Variants in CGNL1 observed in about 807,000 individuals in gnomAD.
CGNL1 encodes cingulin-like protein 1.
In CGNL1, 132 loss-of-function variants were observed where a neutral mutation model predicts 141.2. The observed-to-expected ratio is 0.93, with a 90% CI of 0.81 to 1.08. The LOEUF is 1.08. CGNL1 is among the 50% of genes least tolerant of loss of function. The probability of loss-of-function intolerance (pLI) is 0.00; values close to 1 mark genes in which losing one functional copy is unlikely to be tolerated. For missense variants in CGNL1, 1,870 were observed against 1,588.6 expected (o/e 1.18, Z -3.01); for synonymous variants, 690 against 622.1 (o/e 1.11, Z -1.63).
intron 8 of CGNL1, among the ~76,000 whole-genome samples, chr15:57,474,752 A>G (rs192730495): frequency 1.5e-3 from 234 of 152,352 alleles, no homozygotes; most frequent in Admixed American, 7.1e-3. Context: ...GATTATTTCA[A>G]GAGGGAGATA....
At chr15:57,547,207 C>A in intron 18 of CGNL1, 148 bp from the exon 19 acceptor site, 1 of 858,498 alleles carries the variant, frequency 1.2e-6, no homozygotes, top group Non-Finnish European at 1.8e-6. Flanking sequence ...AAGGGGCCAT[C>A]AGGTGGAGAC....
chr15:57,401,981 A>T (rs1229140438), intron 1 of CGNL1: 2 of 152,156 alleles, frequency 1.3e-5, no homozygotes, highest in Non-Finnish European at 2.9e-5. Flanking sequence ...GTCCTTCTAC[A>T]TACTGCTTGG....
At chr15:57,494,767 G>A (rs560261199) in intron 8 of CGNL1, among the ~76,000 whole-genome samples, 33 of 152,314 alleles carry the variant, frequency 2.2e-4, no homozygotes, top group Admixed American at 1.0e-3. Context: ...GTGTTCAGCT[G>A]GCATCTCATC....
intron 8 of CGNL1, among the ~76,000 whole-genome samples, chr15:57,471,145 T>A (rs2063576715): frequency 6.6e-6 from 1 of 152,212 alleles, no homozygotes; most frequent in Admixed American, 6.5e-5. Context: ...CAGTTACAGT[T>A]CAGATTTCCA....
At chr15:57,529,595 CACACACACA>C (rs2031838918) in intron 13 of CGNL1, among the ~76,000 whole-genome samples, 1 of 150,884 alleles carries the variant, frequency 6.6e-6, no homozygotes, top group Non-Finnish European at 1.5e-5. Flanking sequence ...CACACACACA[CACACACACA>C]CACACGCCCC....
chr15:57,382,557 T>G (rs189389046), intron 1 of CGNL1, among the ~76,000 whole-genome samples: 1 of 152,236 alleles, frequency 6.6e-6, no homozygotes, highest in Non-Finnish European at 1.5e-5. Flanking sequence ...TCCTCGACTG[T>G]TAATAATCTT....
intron 1 of CGNL1, among the ~76,000 whole-genome samples, chr15:57,409,037 T>TCACACACACACACACACACACACA (rs59988268): frequency 4.2e-5 from 6 of 141,834 alleles, no homozygotes; most frequent in South Asian, 2.3e-4. Flanking sequence ...TGAGACTCTG[T>TCACACACACACACACACACACACA]CACACACACA....
At chr15:57,486,471 C>T (rs193264663) in intron 8 of CGNL1, among the ~76,000 whole-genome samples, 2 of 152,196 alleles carry the variant, frequency 1.3e-5, no homozygotes, top group African/African-American at 4.8e-5. Context: ...GTTCTTATCA[C>T]CAAATCTGGT....
chr15:57,467,130 A>C (rs1856645674), intron 8 of CGNL1, among the ~76,000 whole-genome samples: 1 of 152,208 alleles, frequency 6.6e-6, no homozygotes, highest in African/African-American at 2.4e-5. Context: ...GCATCGTGCT[A>C]AGTTCGTGAG....
At chr15:57,391,248 G>T (rs1277107300) in intron 1 of CGNL1, among the ~76,000 whole-genome samples, 10 of 152,174 alleles carry the variant, frequency 6.6e-5, no homozygotes, top group Admixed American at 1.3e-4. Context: ...GCCCTGTGAT[G>T]ACAGAGTCTG....
At chr15:57,496,550 C>T (rs1440812165) in intron 8 of CGNL1, among the ~76,000 whole-genome samples, 5 of 152,196 alleles carry the variant, frequency 3.3e-5, no homozygotes, top group Non-Finnish European at 7.3e-5. Context: ...TTGTCTTCCC[C>T]GAAACTGGTC....
intron 10 of CGNL1, among the ~76,000 whole-genome samples, chr15:57,519,717 AC>A (rs1370627879): frequency 3.8e-4 from 58 of 152,064 alleles, no homozygotes; most frequent in African/African-American, 1.3e-3. Flanking sequence ...CTGTTACCCA[AC>A]CTGGCTGCCA....
intron 1 of CGNL1, among the ~76,000 whole-genome samples, chr15:57,392,976 G>A (rs2062559789): frequency 6.6e-6 from 1 of 152,142 alleles, no homozygotes; most frequent in Admixed American, 6.5e-5. Context: ...GTGTGAATAT[G>A]CCTGTTGGTG....
chr15:57,531,917 T>G (rs1261679324), intron 14 of CGNL1, 138 bp downstream of exon 14: 1 of 614,786 alleles, frequency 1.6e-6, no homozygotes, highest in South Asian at 2.1e-5. Flanking sequence ...TGAATAGTCA[T>G]CACCATAGTG....
chr15:57,378,235 C>T (rs922183055), intron 1 of CGNL1, among the ~76,000 whole-genome samples: 13 of 152,044 alleles, frequency 8.6e-5, no homozygotes, highest in African/African-American at 3.1e-4. Flanking sequence ...GTGATAGTCT[C>T]CGGGGATCTT....
intron 10 of CGNL1, among the ~76,000 whole-genome samples, chr15:57,518,845 G>C (rs545724910): frequency 6.6e-6 from 1 of 152,332 alleles, no homozygotes; most frequent in African/African-American, 2.4e-5. Flanking sequence ...CGAAGGCGGA[G>C]AGCCCTCCGT....
intron 8 of CGNL1, among the ~76,000 whole-genome samples, chr15:57,516,107 C>T (rs551318926): frequency 2.0e-5 from 3 of 147,628 alleles, no homozygotes; most frequent in Non-Finnish European, 4.4e-5. Context: ...TGCAGTGAGC[C>T]GACATCGCGC....
chr15:57,456,478 A>C (rs560681724), intron 7 of CGNL1, among the ~76,000 whole-genome samples: 1 of 151,780 alleles, frequency 6.6e-6, no homozygotes, highest in East Asian at 1.9e-4. Flanking sequence ...TCTCTAATAA[A>C]CTGGCTTTCA....
At chr15:57,412,290 T>A (rs1392255933) in intron 1 of CGNL1, among the ~76,000 whole-genome samples, 1 of 152,218 alleles carries the variant, frequency 6.6e-6, no homozygotes, top group Non-Finnish European at 1.5e-5. Context: ...GAGCCTTTTA[T>A]CCTCAAGACC....
Sources: allele counts gnomAD v4.1 joint callset (sites outside exome capture counted in the v4.1 genomes callset), GRCh38; gene constraint gnomAD v4.1.1; transcripts MANE v1.5; gene names NCBI Gene and HGNC (gene_info 2026-07-23, HGNC 2026-07-21).